IL34: variants seen among roughly 807,000 people sequenced by gnomAD.
The protein encoded by IL34 is interleukin-34.
A neutral mutation model predicts 25.3 loss-of-function variants in IL34; 17 were observed. The ratio of observed to expected loss-of-function variants is 0.67; its 90% confidence interval spans 0.46 to 1.01. The LOEUF (loss-of-function observed/expected upper bound fraction) is 1.01. IL34 is among the 50% of genes least tolerant of loss of function. IL34 has a pLI of 0.00. For synonymous variants in IL34, 174 were observed against 140.9 expected (o/e 1.23, Z -1.66); for missense variants, 368 against 312.9 (o/e 1.18, Z -1.33).
chr16:70,612,233 C>T (rs984338156), intron 1 of IL34, among the ~76,000 whole-genome samples: 1 of 150,640 alleles, frequency 6.6e-6, no homozygotes, highest in African/African-American at 2.4e-5. Flanking sequence ...TTAAGAGTCT[C>T]TAAAGCTGTG....
chr16:70,650,431 G>A (rs897702926), intron 1 of IL34, among the ~76,000 whole-genome samples: 26 of 152,146 alleles, frequency 1.7e-4, no homozygotes, highest in African/African-American at 4.8e-4. Flanking sequence ...GAGGCTCAGT[G>A]TCACTCCAAG....
intron 1 of IL34, among the ~76,000 whole-genome samples, chr16:70,610,604 C>G (rs944715224): frequency 6.6e-6 from 1 of 152,168 alleles, no homozygotes; most frequent in Admixed American, 6.5e-5. Flanking sequence ...AGGATAATGT[C>G]GAGTGGCCAG....
chr16:70,633,142 T>C (rs577356025), intron 1 of IL34, among the ~76,000 whole-genome samples: 1 of 150,064 alleles, frequency 6.7e-6, no homozygotes, highest in South Asian at 2.1e-4. Context: ...TTTTTGTATT[T>C]TTAGTAGAGA....
At chr16:70,638,599 CTTAT>C (rs879491384) in intron 1 of IL34, among the ~76,000 whole-genome samples, 12 of 151,960 alleles carry the variant, frequency 7.9e-5, no homozygotes, top group Non-Finnish European at 1.8e-4. Context: ...ATATTTTATA[CTTAT>C]TTATTATTTT....
chr16:70,644,963 AAGG>A (rs1332763215), upstream of IL34, among the ~76,000 whole-genome samples: 7 of 129,132 alleles, frequency 5.4e-5, no homozygotes, highest in East Asian at 2.5e-4. Flanking sequence ...GAGGAGGAGG[AAGG>A]AGGAAGAGAA....
intron 1 of IL34, among the ~76,000 whole-genome samples, chr16:70,628,356 A>C (rs1027665749): frequency 8.6e-5 from 13 of 152,032 alleles, no homozygotes; most frequent in Admixed American, 5.2e-4. Flanking sequence ...CATTGTTTAC[A>C]GTTTTTTAGT....
At chr16:70,643,054 T>G (rs1463454078), upstream of IL34, among the ~76,000 whole-genome samples, 2 of 151,506 alleles carry the variant, frequency 1.3e-5, no homozygotes, top group Non-Finnish European at 2.9e-5. Flanking sequence ...ACTTTATTAT[T>G]TATTTTTATT....
intron 3 of IL34, 69 bp from the exon 4 acceptor site, chr16:70,656,891 T>C (rs904356909): frequency 7.9e-6 from 12 of 1,519,470 alleles, no homozygotes; most frequent in Non-Finnish European, 9.9e-6. Flanking sequence ...GGCAAGTCCC[T>C]GGTGAGGGAG....
upstream of IL34, among the ~76,000 whole-genome samples, chr16:70,644,817 A>G (rs2051872764): frequency 7.5e-6 from 1 of 133,010 alleles, no homozygotes. Context: ...GAAAAGGAGG[A>G]AGGGAGGAGG....
chr16:70,633,659 A>C (rs1460983955), intron 1 of IL34, among the ~76,000 whole-genome samples: 1 of 152,116 alleles, frequency 6.6e-6, no homozygotes, highest in Non-Finnish European at 1.5e-5. Context: ...AAGCAACAGA[A>C]ATGTATTCTG....
intron 4 of IL34, 184 bp downstream of exon 4, chr16:70,657,305 AG>A (rs1597783078): frequency 1.6e-6 from 1 of 620,804 alleles, no homozygotes; most frequent in Non-Finnish European, 2.8e-6. Context: ...AGGAAGAGGC[AG>A]CCGTGGTGGT....
intron 4 of IL34, among the ~76,000 whole-genome samples, chr16:70,657,930 C>T (rs906882031): frequency 7.2e-5 from 11 of 152,204 alleles, no homozygotes; most frequent in African/African-American, 2.4e-4. Context: ...GGTCCCCCAT[C>T]CCTGACCCGC....
chr16:70,593,801 A>G (rs2050783788), intron 1 of IL34, among the ~76,000 whole-genome samples: 1 of 152,154 alleles, frequency 6.6e-6, no homozygotes, highest in Non-Finnish European at 1.5e-5. Context: ...CACTAGGATC[A>G]GAGGTGTGAG....
At chr16:70,602,260 G>A (rs1215902906) in intron 1 of IL34, among the ~76,000 whole-genome samples, 11 of 152,166 alleles carry the variant, frequency 7.2e-5, no homozygotes, top group Admixed American at 7.2e-4. Context: ...ACCATTGCTG[G>A]GATGTAGAGT....
intron 1 of IL34, among the ~76,000 whole-genome samples, chr16:70,641,061 C>T (rs1226885441): frequency 6.6e-6 from 1 of 152,082 alleles, no homozygotes; most frequent in South Asian, 2.1e-4. Context: ...CACTTGAGGT[C>T]AGAAATTTGA....
rs1420106779 is a variant in IL34 at position 70,613,548 on chromosome 16, G to C, written c.-400-33000G>C. On this transcript the variant is annotated intron_variant, in intron 1 of 6. Transcript: ENST00000429149. The stretch of plus-strand genomic sequence containing the variant: ...TACTCAAAGTGTGGTCTGCAGACCA[G>C]TGGTATCTGCAGCACCTGGGAGCTT... Among the ~76,000 whole-genome samples the C allele has an allele frequency of 3.9e-5, 6 of 152,276 alleles. No individual in the cohort carries two copies. The East Asian group carries it at 1.2e-3, about 29-fold the overall frequency.
chr16:70,659,648 G>C lies in IL34; in HGVS notation c.433G>C (p.Val145Leu), dbSNP rs773227906. 1.4e-5 allele frequency: 23 copies of C among 1,612,700 alleles called. No individual in the cohort carries two copies. Among genetic ancestry groups the C allele is most frequent in the East Asian group, 2.2e-5 (1 of 44,852 alleles). Residue 145 changes from valine (V) to leucine (L), a missense_variant, in exon 5 of 6, where the codon GTG becomes CTG. Physicochemically the swap from Val to Leu is conservative, Grantham distance 32. Coordinates refer to ENST00000288098, the MANE Select transcript of IL34 (RefSeq NM_001393494.1). ...GGAGGTCAGCCCCAAGGTGGAATCC[G>C]TGTTGTCCCTCTTGAATGCCCCAGG... is the stretch of plus-strand genomic sequence containing the variant. ...DVEVSPKVES[V>L]LSLLNAPGPN...
intron 2 of IL34, among the ~76,000 whole-genome samples, chr16:70,655,678 C>T (rs1013289735): frequency 1.3e-5 from 2 of 152,160 alleles, no homozygotes; most frequent in East Asian, 1.9e-4. Context: ...AGGTGTGAGC[C>T]ACCATGCCTG....
intron 1 of IL34, among the ~76,000 whole-genome samples, chr16:70,621,453 G>T (rs1161430354): frequency 2.0e-5 from 3 of 147,274 alleles, no homozygotes; most frequent in African/African-American, 7.7e-5. Flanking sequence ...AGAGTAAGAA[G>T]GGGCCGCTTA....
Sources: allele counts gnomAD v4.1 joint callset (sites outside exome capture counted in the v4.1 genomes callset), GRCh38; gene constraint gnomAD v4.1.1; transcripts MANE v1.5; gene names NCBI Gene and HGNC (gene_info 2026-07-23, HGNC 2026-07-21).